NRG1: variants seen among roughly 807,000 people sequenced by gnomAD.
The protein encoded by NRG1 is pro-neuregulin-1, membrane-bound isoform.
In NRG1, 18 loss-of-function variants were observed where a neutral mutation model predicts 63.8. That is an observed-to-expected ratio of 0.28 (90% CI 0.19 to 0.42). The LOEUF (loss-of-function observed/expected upper bound fraction) is 0.42. NRG1 is among the 10% of genes least tolerant of loss of function. The probability of loss-of-function intolerance (pLI) is 1.00; values close to 1 mark genes in which losing one functional copy is unlikely to be tolerated. For missense variants in NRG1, 762 were observed against 814.7 expected, an observed-to-expected ratio of 0.94 and a Z score of 0.79; for synonymous variants, 302 against 301.3, an observed-to-expected ratio of 1.00 and a Z score of -0.02.
chr8:32,361,033 G>T (rs1807132980), intron 1 of NRG1, among the ~76,000 whole-genome samples: 1 of 152,114 alleles, frequency 6.6e-6, no homozygotes, highest in Non-Finnish European at 1.5e-5. Context: ...AATGAACTTG[G>T]CTGTCCGAAC....
At chr8:32,697,469 T>C (rs1186076166) in intron 5 of NRG1, among the ~76,000 whole-genome samples, 2 of 152,180 alleles carry the variant, frequency 1.3e-5, no homozygotes, top group Middle Eastern at 3.4e-3. Flanking sequence ...TGACAGAGCT[T>C]TCTTATTGCC....
intron 1 of NRG1, among the ~76,000 whole-genome samples, chr8:31,970,155 T>C (rs2129628580): frequency 6.6e-6 from 1 of 152,250 alleles, no homozygotes; most frequent in East Asian, 1.9e-4. Context: ...GGCTAGAAAA[T>C]GATAATCTGA....
intron 1 of NRG1, among the ~76,000 whole-genome samples, chr8:31,662,218 A>G (rs1334036382): frequency 6.6e-6 from 1 of 152,216 alleles, no homozygotes; most frequent in Non-Finnish European, 1.5e-5. Flanking sequence ...GTTTCCAAAT[A>G]TTCACAGCAC....
chr8:31,998,385 G>A (rs1408122887), intron 1 of NRG1, among the ~76,000 whole-genome samples: 1 of 151,892 alleles, frequency 6.6e-6, no homozygotes, highest in Non-Finnish European at 1.5e-5. Context: ...AAATACATTT[G>A]AATACAGATA....
intron 5 of NRG1, among the ~76,000 whole-genome samples, chr8:32,634,819 G>A (rs959123588): frequency 6.6e-6 from 1 of 152,094 alleles, no homozygotes; most frequent in Non-Finnish European, 1.5e-5. Context: ...TCAGTATAAA[G>A]ATATTGTACA....
At chr8:31,895,239 A>G (rs562111075) in intron 1 of NRG1, among the ~76,000 whole-genome samples, 101 of 152,172 alleles carry the variant, frequency 6.6e-4, no homozygotes, top group Non-Finnish European at 1.1e-3. Context: ...ATTTTTTTCT[A>G]AGGACCTTAC....
At chr8:32,688,286 C>T (rs1272549975) in intron 5 of NRG1, among the ~76,000 whole-genome samples, 5 of 152,140 alleles carry the variant, frequency 3.3e-5, no homozygotes, top group African/African-American at 4.8e-5. Flanking sequence ...GCTTTTCCCA[C>T]GTAAGCCGCT....
intron 1 of NRG1, among the ~76,000 whole-genome samples, chr8:32,073,021 G>A (rs377494102): frequency 1.3e-5 from 2 of 149,448 alleles, no homozygotes; most frequent in Non-Finnish European, 3.0e-5. Context: ...AAAAAAAATT[G>A]GTCAAAGAGA....
At chr8:32,010,831 T>C (rs1203308173) in intron 1 of NRG1, among the ~76,000 whole-genome samples, 1 of 152,084 alleles carries the variant, frequency 6.6e-6, no homozygotes, top group East Asian at 1.9e-4. Context: ...AGAGGAAATA[T>C]ATACAGTGTT....
At chr8:32,666,251 A>G (rs62497763) in intron 5 of NRG1, among the ~76,000 whole-genome samples, 4,180 of 152,278 alleles carry the variant, frequency 0.027, 66 homozygotes, top group Non-Finnish European at 0.042. Context: ...CTTCAGAATC[A>G]CATGTTCAGA....
intron 1 of NRG1, among the ~76,000 whole-genome samples, chr8:31,845,227 A>G (rs1485407763): frequency 2.0e-4 from 30 of 152,178 alleles, no homozygotes; most frequent in Admixed American, 2.0e-3. Flanking sequence ...TTATGGTTAG[A>G]TACACATATT....
At chr8:32,721,957 A>G (rs1820751987) in intron 5 of NRG1, 1 of 1,542,980 alleles carries the variant, frequency 6.5e-7, no homozygotes, top group Non-Finnish European at 8.7e-7. Context: ...CAGAGCAAGA[A>G]TAATAATTTC....
At position 32,020,866 on chromosome 8, in the gene NRG1, C is replaced by G. The variant is rs556157430; in HGVS notation, c.37+381435C>G. ...TTTATTTGGGATTTACCATGTATTG[C>G]TTTAAATTTTAAGCAATTTTTATAT... On this transcript the variant is annotated intron_variant, in intron 1 of 10. Coordinates refer to the NRG1 transcript ENST00000519301. Among the ~76,000 whole-genome samples, 14 of 152,080 alleles carry G rather than the reference C, an allele frequency of 9.2e-5. No homozygotes were observed. In the South Asian group the frequency reaches 2.9e-3, roughly 31 times the overall value.
chr8:31,775,659 G>A lies in NRG1; in HGVS notation c.37+136228G>A, dbSNP rs141997944. Among the ~76,000 whole-genome samples the A allele has an allele frequency of 3.5e-3, 536 of 152,008 alleles. 2 individuals are homozygous for A. Among genetic ancestry groups the A allele is most frequent in the Middle Eastern group, 0.031 (9 of 294 alleles). ...TCCCAGCACGGAGGCCAAGGCAGGC[G>A]GATCATGATGTCAGGAGATCGACAC... On this transcript the variant is annotated intron_variant, in intron 1 of 10. Transcript: ENST00000519301.
intron 1 of NRG1, among the ~76,000 whole-genome samples, chr8:32,571,853 A>G (rs1350513062): frequency 6.6e-6 from 1 of 152,188 alleles, no homozygotes; most frequent in Non-Finnish European, 1.5e-5. Flanking sequence ...GTAAATAATT[A>G]CATACAGGCA....
At chr8:31,996,974 G>A (rs1158161119) in intron 1 of NRG1, among the ~76,000 whole-genome samples, 1 of 151,824 alleles carries the variant, frequency 6.6e-6, no homozygotes, top group Non-Finnish European at 1.5e-5. Context: ...CTATACAATA[G>A]GTACAGTAAT....
At chr8:32,582,751 C>T (rs1472688541) in intron 1 of NRG1, among the ~76,000 whole-genome samples, 1 of 152,162 alleles carries the variant, frequency 6.6e-6, no homozygotes, top group Non-Finnish European at 1.5e-5. Flanking sequence ...CTGTATAGCC[C>T]CGCTGAATAA....
chr8:32,450,785 T>C (rs1341132012), intron 1 of NRG1, among the ~76,000 whole-genome samples: 1 of 152,134 alleles, frequency 6.6e-6, no homozygotes, highest in Non-Finnish European at 1.5e-5. Flanking sequence ...CTCTTAAACC[T>C]TTGTTTTAAG....
At chr8:31,798,481 C>T (rs1193728776) in intron 1 of NRG1, among the ~76,000 whole-genome samples, 1 of 152,092 alleles carries the variant, frequency 6.6e-6, no homozygotes, top group Non-Finnish European at 1.5e-5. Flanking sequence ...AATATCTTTG[C>T]CTTTGACTGA....
Sources: allele counts gnomAD v4.1 joint callset (sites outside exome capture counted in the v4.1 genomes callset), GRCh38; gene constraint gnomAD v4.1.1; transcripts MANE v1.5; gene names NCBI Gene and HGNC (gene_info 2026-07-23, HGNC 2026-07-21).